Variants in CLASP1 observed in about 807,000 individuals in gnomAD.
CLASP1 encodes the protein cytoplasmic linker associated protein 1.
In CLASP1, 38 loss-of-function variants were observed where a neutral mutation model predicts 192.3. The observed-to-expected ratio is 0.20, with a 90% confidence interval of 0.15 to 0.26. The LOEUF is 0.26. CLASP1 is among the 10% of genes least tolerant of loss of function. CLASP1 has a pLI of 1.00. For missense variants in CLASP1, 1,433 were observed against 1,932.5 expected (o/e 0.74, Z 4.85); for synonymous variants, 691 against 712.8 (o/e 0.97, Z 0.49).
At chr2:121,458,775 T>C in intron 13 of CLASP1, 65 bp downstream of exon 13, 2 of 1,266,404 alleles carry the variant, frequency 1.6e-6, no homozygotes, top group Non-Finnish European at 2.1e-6. Flanking sequence ...AAAATGCCTC[T>C]AATATTTATC....
At chr2:121,469,630 T>A (rs1389365409) in intron 9 of CLASP1, among the ~76,000 whole-genome samples, 178 bp downstream of exon 9, 1 of 152,140 alleles carries the variant, frequency 6.6e-6, no homozygotes, top group Non-Finnish European at 1.5e-5. Context: ...AATTTACAAC[T>A]TACCAGCTTA....
At chr2:121,448,861 A>G in intron 17 of CLASP1, 92 bp downstream of exon 17, 2 of 1,284,524 alleles carry the variant, frequency 1.6e-6, no homozygotes, top group Non-Finnish European at 2.2e-6. Context: ...ACAAGCACCC[A>G]TGTAAAAACA....
chr2:121,478,610 A>ACACACAC (rs2091939325), intron 8 of CLASP1, among the ~76,000 whole-genome samples: 1 of 135,072 alleles, frequency 7.4e-6, no homozygotes, highest in South Asian at 2.3e-4. Flanking sequence ...CAAAACACAC[A>ACACACAC]CACACACCAC....
intron 1 of CLASP1, among the ~76,000 whole-genome samples, chr2:121,640,777 C>T (rs2071903908): frequency 6.6e-6 from 1 of 152,174 alleles, no homozygotes; most frequent in Non-Finnish European, 1.5e-5. Flanking sequence ...ACAAATTATT[C>T]AACTTCTCCA....
intron 2 of CLASP1, among the ~76,000 whole-genome samples, chr2:121,596,930 G>C (rs747474657): frequency 1.3e-5 from 2 of 152,146 alleles, no homozygotes; most frequent in Non-Finnish European, 2.9e-5. Context: ...GGAAGCTCTG[G>C]GTTAATAGGG....
chr2:121,438,718 T>C (rs2082739356), intron 19 of CLASP1, among the ~76,000 whole-genome samples: 2 of 152,134 alleles, frequency 1.3e-5, no homozygotes, highest in Non-Finnish European at 2.9e-5. Context: ...GATGTGCTGC[T>C]GGATTCGTTT....
intron 34 of CLASP1, among the ~76,000 whole-genome samples, chr2:121,372,291 C>T (rs1032632992): frequency 6.6e-6 from 1 of 152,160 alleles, no homozygotes; most frequent in Non-Finnish European, 1.5e-5. Flanking sequence ...ATGCCACCAC[C>T]CTCTCCTGGT....
At position 121,338,530 on chromosome 2, in the gene CLASP1, C is replaced by T. The variant is rs551015229; in HGVS notation, c.*2331G>A. ...GAACAGGGGCCCTGCAGGGAGGCGG[C>T]GGCAAGGCAAGGCAGCTGCAGCTGT... On this transcript the variant is annotated 3_prime_UTR_variant, in exon 40 of 40. Transcript: ENST00000263710. 9.8e-5 allele frequency: 15 copies of T among 152,802 alleles called. No homozygotes were observed. In the South Asian group the frequency reaches 1.0e-3, roughly 11 times the overall value. The allele number at this position is 152,802 out of a possible 1,614,324, so 9.5% of individuals were successfully genotyped here. A position where few individuals can be genotyped will look rare whatever the true frequency, so the allele number is the denominator to read the frequency against.
intron 2 of CLASP1, among the ~76,000 whole-genome samples, chr2:121,593,626 C>CAAAAAAACAAAA (rs2062700447): frequency 2.0e-5 from 1 of 50,734 alleles, no homozygotes; most frequent in African/African-American, 7.1e-5. Context: ...AACTCCGTCT[C>CAAAAAAACAAAA]AAAAAAAAAA....
intron 6 of CLASP1, among the ~76,000 whole-genome samples, chr2:121,516,495 A>T (rs1361962727): frequency 6.6e-6 from 1 of 152,244 alleles, no homozygotes; most frequent in East Asian, 1.9e-4. Context: ...CTTCAGGAAG[A>T]GGAAGTACGC....
chr2:121,531,005 A>AT (rs1473683802), intron 2 of CLASP1: 3 of 700,346 alleles, frequency 4.3e-6, no homozygotes, highest in African/African-American at 1.7e-5. Context: ...AATTTTTGGA[A>AT]AAATGAAAAC....
rs528471054 is a variant in CLASP1 at position 121,491,861 on chromosome 2, C to A, written c.712+11306G>T. 8.5e-5 allele frequency among the ~76,000 whole-genome samples: 13 copies of A among 152,266 alleles called. No individual in the cohort carries two copies. The East Asian group carries it at 2.5e-3, about 29-fold the overall frequency. On this transcript the variant is annotated intron_variant, in intron 8 of 39. Transcript: ENST00000263710. ...TCGATTACGCTTTTAAAAATTAAGTCCATGGGTTTCATATAAATATTAAGC... is the reference window on the plus strand; with the variant it reads ...TCGATTACGCTTTTAAAAATTAAGTACATGGGTTTCATATAAATATTAAGC...
intron 32 of CLASP1, among the ~76,000 whole-genome samples, chr2:121,384,193 C>T (rs930771797): frequency 2.0e-5 from 3 of 147,184 alleles, no homozygotes; most frequent in Non-Finnish European, 3.0e-5. Flanking sequence ...CACACACACA[C>T]ATTTTTTGTT....
At chr2:121,500,348 G>GAAAA (rs2093696574) in intron 8 of CLASP1, among the ~76,000 whole-genome samples, 1 of 24,424 alleles carries the variant, frequency 4.1e-5, no homozygotes, top group Non-Finnish European at 8.9e-5. Flanking sequence ...GAAAGAAAAA[G>GAAAA]AAAGAAAGAA....
At chr2:121,565,297 G>T (rs1052929929) in intron 2 of CLASP1, among the ~76,000 whole-genome samples, 1 of 152,126 alleles carries the variant, frequency 6.6e-6, no homozygotes, top group African/African-American at 2.4e-5. Context: ...ACAAGACCAA[G>T]GAGGGTCTCA....
chr2:121,514,164 C>T (rs1270308346), intron 7 of CLASP1, among the ~76,000 whole-genome samples: 2 of 152,208 alleles, frequency 1.3e-5, no homozygotes, highest in Admixed American at 6.5e-5. Context: ...TGCTAGTTTG[C>T]TGTGGTTACC....
At chr2:121,582,311 GAGAGAA>G (rs2061273797) in intron 2 of CLASP1, among the ~76,000 whole-genome samples, 1 of 150,186 alleles carries the variant, frequency 6.7e-6, no homozygotes, top group South Asian at 2.1e-4. Flanking sequence ...AAGGGAGAGA[GAGAGAA>G]AGAGAAAGGG....
intron 2 of CLASP1, among the ~76,000 whole-genome samples, chr2:121,605,250 T>C (rs1048904575): frequency 6.6e-5 from 10 of 151,960 alleles, no homozygotes; most frequent in Admixed American, 5.9e-4. Flanking sequence ...TCCAGGTACC[T>C]GGGCCAGCTT....
chr2:121,380,619 C>T (rs1006218499), intron 33 of CLASP1, among the ~76,000 whole-genome samples: 6 of 152,016 alleles, frequency 3.9e-5, no homozygotes, highest in African/African-American at 7.3e-5. Flanking sequence ...CTGCCTTCTT[C>T]GTCATTTTGT....
Sources: gnomAD v4.1 joint callset for allele counts (sites outside exome capture counted in the v4.1 genomes callset) on GRCh38, gnomAD v4.1.1 for gene constraint, MANE v1.5 for transcripts, NCBI Gene and HGNC (gene_info 2026-07-23, HGNC 2026-07-21) for gene names.